Variants in UBR3 observed in about 807,000 individuals in gnomAD.
UBR3 encodes the protein ubiquitin protein ligase E3 component n-recognin 3.
A neutral mutation model predicts 243.2 loss-of-function variants in UBR3; 85 were observed. The ratio of observed to expected loss-of-function variants is 0.35; its 90% CI spans 0.29 to 0.42. The LOEUF is 0.42. Among genes scored for constraint, UBR3 ranks in the 10% least tolerant of loss-of-function variants. The pLI, the probability that UBR3 is intolerant of heterozygous loss-of-function variation, is 1.00. For synonymous variants in UBR3, 748 were observed against 799.8 expected, an observed-to-expected ratio of 0.94 and a Z score of 1.09; for missense variants, 1,686 against 2,300.8, an observed-to-expected ratio of 0.73 and a Z score of 5.47.
In UBR3 at chr2:170,013,574, G is replaced by A. The variant is rs541464254; in HGVS notation, c.4368-1707G>A. 2.6e-3 allele frequency among the ~76,000 whole-genome samples: 393 copies of A among 152,162 alleles called. 2 individuals carry two copies. The highest frequency in any genetic ancestry group is 0.014 in the Middle Eastern group (4 of 294). On this transcript the variant is annotated intron_variant, in intron 29 of 38. Coordinates refer to ENST00000272793, the MANE Select transcript of UBR3 (RefSeq NM_172070.4). ...AGTCATAATCTGGAATAATTAATTA[G>A]ATTTTACTAGTTTTTTTCGAGAATT...
At chr2:169,926,482 G>A (rs368762145) in intron 14 of UBR3, among the ~76,000 whole-genome samples, 2 of 152,010 alleles carry the variant, frequency 1.3e-5, no homozygotes, top group African/African-American at 4.8e-5. Context: ...CCAGCTACTC[G>A]GGAGACTGGG....
At chr2:170,038,326 T>C (rs888427425) in intron 31 of UBR3, among the ~76,000 whole-genome samples, 2 of 152,216 alleles carry the variant, frequency 1.3e-5, no homozygotes, top group African/African-American at 4.8e-5. Context: ...TTAAATTTAA[T>C]GTAGCAGTCT....
intron 24 of UBR3, among the ~76,000 whole-genome samples, chr2:169,969,909 T>C (rs187323694): frequency 1.7e-3 from 262 of 151,500 alleles, no homozygotes; most frequent in African/African-American, 6.0e-3. Context: ...GTAGTATATT[T>C]TGATGTCAGG....
intron 8 of UBR3, among the ~76,000 whole-genome samples, chr2:169,902,017 T>G (rs2084842233): frequency 6.6e-6 from 1 of 152,232 alleles, no homozygotes; most frequent in Non-Finnish European, 1.5e-5. Context: ...GACTCATTAT[T>G]GCTCCATTAA....
intron 24 of UBR3, among the ~76,000 whole-genome samples, chr2:169,963,089 A>G (rs1349557689): frequency 6.6e-6 from 1 of 152,144 alleles, no homozygotes; most frequent in East Asian, 1.9e-4. Flanking sequence ...TTCTTTGGAT[A>G]AGAATAGGCT....
rs1201093700 is a variant in UBR3, at chr2:169,896,509, T to A, written c.1239T>A (p.Val413=). 5 of 1,519,514 alleles carry A rather than the reference T, an allele frequency of 3.3e-6. No homozygotes were observed. The highest frequency in any genetic ancestry group is 4.4e-6 in the Non-Finnish European group (5 of 1,128,938). The allele number at this position is 1,519,514 out of a possible 1,614,324, so 94.1% of individuals were successfully genotyped here. A position where few individuals can be genotyped will look rare whatever the true frequency, so the allele number is the denominator to read the frequency against. ...CCTTTCTATTAAAATGTTTACAGGT[T>A]GCTTTTACAAAAACTTTTGTTCAGC... ...LNMLPDQEYK[V]AFTKTFVQHY... The change falls in exon 8 of 39, where the codon GTT becomes GTA. Residue 413 remains valine, a splice_region_variant and synonymous_variant. Transcript: ENST00000272793.
At chr2:169,879,632 A>G (rs1329434979) in intron 5 of UBR3, among the ~76,000 whole-genome samples, 1 of 152,196 alleles carries the variant, frequency 6.6e-6, no homozygotes, top group Non-Finnish European at 1.5e-5. Flanking sequence ...TATCTGTGAA[A>G]TGGAGATAAT....
At chr2:169,933,085 T>G in intron 19 of UBR3, 77 bp downstream of exon 19, 1 of 934,652 alleles carries the variant, frequency 1.1e-6, no homozygotes, top group East Asian at 3.0e-5. Context: ...AACACAGATA[T>G]GATATGCTCT....
intron 23 of UBR3, among the ~76,000 whole-genome samples, chr2:169,950,722 A>G (rs2086985607): frequency 1.3e-5 from 2 of 151,866 alleles, no homozygotes; most frequent in Non-Finnish European, 2.9e-5. Flanking sequence ...TTTTAGTGGT[A>G]CATTGTTTGC....
At chr2:169,870,131 G>A (rs370276137) in intron 1 of UBR3, among the ~76,000 whole-genome samples, 6 of 152,076 alleles carry the variant, frequency 3.9e-5, no homozygotes, top group African/African-American at 1.2e-4. Context: ...AATATATTTC[G>A]TATATAGTAT....
At chr2:170,015,391 T>A (rs758933504) in intron 30 of UBR3, 25 bp downstream of exon 30, 117 of 1,553,786 alleles carry the variant, frequency 7.5e-5, no homozygotes, top group Non-Finnish European at 9.0e-5. Context: ...CTGCTAAATT[T>A]AAAAAAAATT....
intron 29 of UBR3, among the ~76,000 whole-genome samples, chr2:170,009,499 T>C (rs1422670586): frequency 6.6e-6 from 1 of 152,126 alleles, no homozygotes; most frequent in Admixed American, 6.5e-5. Context: ...TTTCTCATCT[T>C]TCAGATTAGG....
At chr2:169,924,452 A>G (rs1279219399) in intron 13 of UBR3, among the ~76,000 whole-genome samples, 3 of 152,136 alleles carry the variant, frequency 2.0e-5, no homozygotes, top group African/African-American at 7.2e-5. Context: ...GGAGATCCAA[A>G]AGATTCTAGC....
Position 169,839,852 on chromosome 2 carries a change from G to T in UBR3, c.545+11800G>T, listed in dbSNP as rs78667853. On this transcript the variant is annotated intron_variant, in intron 1 of 38. Coordinates refer to ENST00000272793, the MANE Select transcript of UBR3 (RefSeq NM_172070.4). ...TGCTTTCTGGACACACTGTGTTGGG[G>T]GTTGGGTCCCCAAGGTGTAAGAATT... 1.6e-4 allele frequency among the ~76,000 whole-genome samples: 25 copies of T among 152,286 alleles called. No homozygotes were observed. In the East Asian group the frequency reaches 4.8e-3, roughly 29 times the overall value.
chr2:169,853,478 TCTCA>T (rs2082734218), intron 1 of UBR3, among the ~76,000 whole-genome samples: 2 of 151,932 alleles, frequency 1.3e-5, no homozygotes, highest in South Asian at 4.2e-4. Flanking sequence ...TGAGGCATAG[TCTCA>T]CTCTGTTGCC....
rs1251480276 is a variant in UBR3, at chr2:169,923,956, C to T, written c.1894C>T (p.Leu632=). ...AGCACCTAACCAAGTCACTTTTCAT[C>T]TGCCACTACATCGTTACTATGCTAT... ...EPAPNQVTFH[L]PLHRYYAMFL... is the part of the protein sequence containing the mutation. The change falls in exon 12 of 39, where the codon CTG becomes TTG. Residue 632 remains leucine (L), a synonymous_variant. Coordinates refer to ENST00000272793, the MANE Select transcript of UBR3 (RefSeq NM_172070.4). 1.3e-6 allele frequency: 2 copies of T among 1,548,030 alleles called. No individual in the cohort carries two copies.
intron 27 of UBR3, among the ~76,000 whole-genome samples, chr2:170,004,735 AC>A (rs1159707905): frequency 6.6e-6 from 1 of 151,984 alleles, no homozygotes; most frequent in African/African-American, 2.4e-5. Context: ...ACATGGCGAA[AC>A]CCCATCTATA....
At chr2:169,963,795 AT>A (rs1201887015) in intron 24 of UBR3, among the ~76,000 whole-genome samples, 2 of 152,092 alleles carry the variant, frequency 1.3e-5, no homozygotes, top group South Asian at 2.1e-4. Flanking sequence ...TTACAATGCT[AT>A]TTTTTTCTTA....
At chr2:169,995,985 C>T (rs571731598) in intron 26 of UBR3, among the ~76,000 whole-genome samples, 2 of 152,114 alleles carry the variant, frequency 1.3e-5, no homozygotes, top group Non-Finnish European at 2.9e-5. Context: ...TAAAGTAAAA[C>T]ATTATTTTTA....
Sources: allele counts gnomAD v4.1 joint callset (sites outside exome capture counted in the v4.1 genomes callset), GRCh38; gene constraint gnomAD v4.1.1; transcripts MANE v1.5; gene names NCBI Gene and HGNC (gene_info 2026-07-23, HGNC 2026-07-21).